The following RBM18 variants were observed in gnomAD, a reference collection of about 807,000 sequenced individuals.
RBM18 encodes the protein RNA binding motif protein 18.
A neutral mutation model predicts 26.4 loss-of-function variants in RBM18; 18 were observed. The observed-to-expected ratio is 0.68, with a 90% CI of 0.47 to 1.01. The LOEUF (loss-of-function observed/expected upper bound fraction) is 1.01, where lower values mean the gene tolerates loss of function less well. RBM18 is among the 50% of genes least tolerant of loss of function. The probability of loss-of-function intolerance (pLI) is 0.00; values close to 1 mark genes in which losing one functional copy is unlikely to be tolerated. For synonymous variants in RBM18, 74 were observed against 81.1 expected, an observed-to-expected ratio of 0.91 and a Z score of 0.47; for missense variants, 180 against 219.2, an observed-to-expected ratio of 0.82 and a Z score of 1.13.
chr9:122,262,652 C>T (rs1232929551), intron 1 of RBM18, among the ~76,000 whole-genome samples: 2 of 152,116 alleles, frequency 1.3e-5, no homozygotes, highest in African/African-American at 2.4e-5. Context: ...GGCACGATCT[C>T]GGCTCACTAC....
At chr9:122,264,584 T>TTC (rs1476397910) in intron 1 of RBM18, 131 bp downstream of exon 1, 7 of 152,242 alleles carry the variant, frequency 4.6e-5, no homozygotes, top group African/African-American at 1.7e-4. Context: ...TTACTCGGAT[T>TTC]GTTATTTCCG....
intron 4 of RBM18, 59 bp from the exon 5 acceptor site, chr9:122,245,400 G>A: frequency 9.5e-7 from 1 of 1,053,640 alleles, no homozygotes; most frequent in South Asian, 1.3e-5. Flanking sequence ...CTTTACTGTA[G>A]TGGATGGGTT....
At chr9:122,256,942 T>C (rs553542189) in intron 2 of RBM18, among the ~76,000 whole-genome samples, 6 of 152,272 alleles carry the variant, frequency 3.9e-5, no homozygotes, top group Non-Finnish European at 7.4e-5. Flanking sequence ...CAGAATATAG[T>C]GGAAAGAACA....
In RBM18 at chr9:122,263,413, T is replaced by G. The variant is rs551445308; in HGVS notation, c.-17+1302A>C. On this transcript the variant is annotated intron_variant, in intron 1 of 5. Transcript: ENST00000417201. ...AAATTTAATCCCAGGGGAGACACAT[T>G]TTTGTCTTCCCTCTGCTTTCCTTTC... Among the ~76,000 whole-genome samples, 7 of 152,300 alleles carry G rather than the reference T, an allele frequency of 4.6e-5. No individual in the cohort carries two copies. The South Asian group carries it at 1.4e-3, about 32-fold the overall frequency.
At chr9:122,261,727 C>A (rs1452423168) in intron 1 of RBM18, among the ~76,000 whole-genome samples, 15 of 152,192 alleles carry the variant, frequency 9.9e-5, no homozygotes, top group African/African-American at 3.6e-4. Flanking sequence ...GTGAAAGGGG[C>A]GTGGTTCTGT....
intron 1 of RBM18, 32 bp downstream of exon 1, chr9:122,264,683 G>C (rs1831930709): frequency 6.6e-6 from 1 of 152,226 alleles, no homozygotes; most frequent in African/African-American, 2.4e-5. Context: ...GCCCATCGCT[G>C]AGGTGCAGGG....
In RBM18 at chr9:122,241,876, C is replaced by T; in HGVS notation, c.*8G>A. The T allele has an allele frequency of 6.2e-7, 1 of 1,610,744 alleles. No individual in the cohort carries two copies. The highest frequency in any genetic ancestry group is 8.5e-7 in the Non-Finnish European group (1 of 1,178,834). Reference sequence around the variant, plus strand: ...ATTTGCTTTTGCTGCTACAGTAATTCACAACCATCATCTTCGAGATTTCCA... The same window carrying T: ...ATTTGCTTTTGCTGCTACAGTAATTTACAACCATCATCTTCGAGATTTCCA... On this transcript the variant is annotated 3_prime_UTR_variant, in exon 6 of 6. Coordinates refer to ENST00000417201, the MANE Select transcript of RBM18 (RefSeq NM_033117.4).
rs1281477320 is a variant in RBM18, at chr9:122,251,943, A to G, written c.144T>C (p.Phe48=). 6.2e-7 allele frequency: 1 copy of G among 1,614,186 alleles called. No homozygotes were observed. The highest frequency in any genetic ancestry group is 8.5e-7 in the Non-Finnish European group (1 of 1,180,014). The change falls in exon 3 of 6, where the codon TTT becomes TTC. Residue 48 remains phenylalanine, a synonymous_variant. Coordinates refer to ENST00000417201, the MANE Select transcript of RBM18 (RefSeq NM_033117.4). ...EYHLLKLLQK[F]GKVKQFDFLF... is the part of the protein sequence containing the mutation. Reference sequence around the variant, plus strand: ...GGAAGTCAAACTGCTTTACCTTGCCAAACTTCTGGAGGAGCTTGAGGAGGT... The same window carrying G: ...GGAAGTCAAACTGCTTTACCTTGCCGAACTTCTGGAGGAGCTTGAGGAGGT...
chr9:122,243,679 G>A (rs140644583), intron 5 of RBM18: 36 of 958,408 alleles, frequency 3.8e-5, no homozygotes, highest in Middle Eastern at 5.3e-4. Flanking sequence ...GGAGATCCTC[G>A]AAAGGTATAC....
At chr9:122,258,862 G>C (rs1055505207) in intron 2 of RBM18, among the ~76,000 whole-genome samples, 1 of 138,624 alleles carries the variant, frequency 7.2e-6, no homozygotes, top group African/African-American at 2.7e-5. Flanking sequence ...AGGTTGCCAT[G>C]AGCTATGATT....
At chr9:122,257,195 C>T (rs1316613203) in intron 2 of RBM18, among the ~76,000 whole-genome samples, 1 of 152,184 alleles carries the variant, frequency 6.6e-6, no homozygotes, top group Non-Finnish European at 1.5e-5. Flanking sequence ...CCTGCCTCAG[C>T]CTCCCGAGTA....
At chr9:122,243,132 CT>C (rs372682900) in intron 5 of RBM18, among the ~76,000 whole-genome samples, 4 of 151,998 alleles carry the variant, frequency 2.6e-5, no homozygotes, top group Admixed American at 6.6e-5. Context: ...CCAGCCCCAT[CT>C]GATTTTTTTA....
chr9:122,241,844 G>A lies in RBM18; in HGVS notation c.*40C>T, dbSNP rs924878390. ...ACACAGGCAGACGATTTTAGGTGTG[G>A]AGACCAATTTGCTTTTGCTGCTACA... On this transcript the variant is annotated 3_prime_UTR_variant, in exon 6 of 6. Transcript: ENST00000417201. The A allele has an allele frequency of 1.6e-5, 25 of 1,598,602 alleles. No individual in the cohort carries two copies. The highest frequency in any genetic ancestry group is 2.1e-5 in the Non-Finnish European group (25 of 1,169,218).
intron 2 of RBM18, among the ~76,000 whole-genome samples, chr9:122,257,890 GT>G (rs1265449320): frequency 3.3e-5 from 5 of 152,186 alleles, no homozygotes; most frequent in African/African-American, 1.2e-4. Flanking sequence ...TAGAAGGTAG[GT>G]TTAAACAGGA....
At chr9:122,253,391 T>C (rs1247944317) in intron 2 of RBM18, among the ~76,000 whole-genome samples, 21 of 152,242 alleles carry the variant, frequency 1.4e-4, no homozygotes, top group African/African-American at 4.6e-4. Flanking sequence ...CCAAGGCATA[T>C]TGTGGATATT....
intron 3 of RBM18, among the ~76,000 whole-genome samples, chr9:122,251,194 G>T (rs1831600424): frequency 6.6e-6 from 1 of 152,108 alleles, no homozygotes; most frequent in African/African-American, 2.4e-5. Flanking sequence ...TGTGAGCCAG[G>T]CCTAAATTAT....
chr9:122,251,768 T>C lies in RBM18; in HGVS notation c.240+79A>G, dbSNP rs1831609247. ...GCTCCTGCCTACAGGGAACTGCTAT[T>C]CTAGTAGGCAAGAGACATGCACAAA... On this transcript the variant is annotated intron_variant, in intron 3 of 5. Transcript: ENST00000417201. The C allele has an allele frequency of 2.9e-6, 4 of 1,357,406 alleles. No individual in the cohort carries two copies. In the South Asian group the frequency reaches 3.7e-5, roughly 13 times the overall value. 84.1% of individuals were successfully genotyped at this position (1,357,406 alleles called of 1,614,324 possible).
At chr9:122,262,276 T>C (rs1446288302) in intron 1 of RBM18, among the ~76,000 whole-genome samples, 1 of 146,776 alleles carries the variant, frequency 6.8e-6, no homozygotes, top group Admixed American at 6.9e-5. Context: ...GCTAGCTATG[T>C]AGCCCTGTGC....
At chr9:122,252,021 C>G in intron 2 of RBM18, 48 bp from the exon 3 acceptor site, 1 of 1,605,974 alleles carries the variant, frequency 6.2e-7, no homozygotes, top group Non-Finnish European at 8.5e-7. Context: ...ATTCTGTTGG[C>G]CACTCAGCCT....
Sources: allele counts gnomAD v4.1 joint callset (sites outside exome capture counted in the v4.1 genomes callset), GRCh38; gene constraint gnomAD v4.1.1; transcripts MANE v1.5; gene names NCBI Gene and HGNC (gene_info 2026-07-23, HGNC 2026-07-21).